Variants in PDE4DIP observed in about 807,000 individuals in gnomAD.
The protein encoded by PDE4DIP is myomegalin.
A neutral mutation model predicts 221.4 loss-of-function variants in PDE4DIP; 59 were observed. The observed-to-expected ratio is 0.27, with a 90% CI of 0.22 to 0.33. PDE4DIP has a LOEUF of 0.33. PDE4DIP is among the 10% of genes least tolerant of loss of function. PDE4DIP has a pLI of 1.00. For synonymous variants in PDE4DIP, 404 were observed against 815.9 expected (o/e 0.50, Z 8.60); for missense variants, 1,036 against 2,154.2 (o/e 0.48, Z 10.28).
At chr1:148,963,032 A>G (rs1553514083) in intron 9 of PDE4DIP, among the ~76,000 whole-genome samples, 1 of 152,080 alleles carries the variant, frequency 6.6e-6, no homozygotes, top group Non-Finnish European at 1.5e-5. Context: ...AGCTGGGACT[A>G]CAGGCGCCCG....
chr1:148,999,924 A>T (rs1471963899), intron 23 of PDE4DIP, among the ~76,000 whole-genome samples: 5 of 148,970 alleles, frequency 3.4e-5, no homozygotes, highest in Non-Finnish European at 7.4e-5. Context: ...GTTTGTATTT[A>T]AAAATATCAG....
exon 19 of PDE4DIP, chr1:148,978,387 A>G (rs1553539585): frequency 5.6e-6 from 9 of 1,608,926 alleles, no homozygotes; most frequent in Non-Finnish European, 7.6e-6. Flanking sequence ...TCCCAGGGTC[A>G]AGAAATTTCA....
chr1:148,994,890 A>C (rs1220325927), intron 22 of PDE4DIP, among the ~76,000 whole-genome samples: 4 of 150,084 alleles, frequency 2.7e-5, no homozygotes, highest in African/African-American at 9.8e-5. Context: ...AGGTGAGCCT[A>C]TGTGGTATGT....
At chr1:149,016,316 C>T (rs1553610650) in exon 33 of PDE4DIP, 9 of 1,613,628 alleles carry the variant, frequency 5.6e-6, no homozygotes, top group East Asian at 2.2e-5. Context: ...CACTGTTCCT[C>T]CTGCTTCCAC....
chr1:148,820,861 AT>A, intron 1 of PDE4DIP, among the ~76,000 whole-genome samples: 1 of 135,464 alleles, frequency 7.4e-6, no homozygotes, highest in Non-Finnish European at 1.6e-5. Flanking sequence ...TTATTTATTT[AT>A]TTATTTTTGA....
chr1:148,842,464 G>A (rs7544300), intron 1 of PDE4DIP, among the ~76,000 whole-genome samples: 4 of 32,828 alleles, frequency 1.2e-4, no homozygotes, highest in Admixed American at 4.0e-4. Flanking sequence ...TTGTGCTGTA[G>A]CAGTGGTTAT....
intron 5 of PDE4DIP, among the ~76,000 whole-genome samples, chr1:148,954,300 C>T (rs1553499358): frequency 6.6e-6 from 1 of 151,634 alleles, no homozygotes; most frequent in Non-Finnish European, 1.5e-5. Context: ...TAGACGTTTC[C>T]TCCCAATGGT....
upstream of PDE4DIP, among the ~76,000 whole-genome samples, chr1:148,884,444 TTA>T (rs1342854895): frequency 1.0e-5 from 1 of 98,310 alleles, no homozygotes; most frequent in African/African-American, 3.7e-5. Context: ...TTCCTAATTT[TTA>T]TAGTTTTTAC....
intron 18 of PDE4DIP, 111 bp downstream of exon 21, chr1:148,978,164 A>G: frequency 1.5e-6 from 2 of 1,302,830 alleles, no homozygotes; most frequent in Non-Finnish European, 2.2e-6. Flanking sequence ...GTGATTATCC[A>G]TATCCCACTT....
rs587697602 is a variant in PDE4DIP at position 149,020,923 on chromosome 1, T to G, written c.5961-106T>G. 2.7e-3 allele frequency: 1,730 copies of G among 638,898 alleles called. 8 individuals are homozygous for G. The highest frequency in any genetic ancestry group is 3.7e-3 in the Non-Finnish European group (1,367 of 366,160). 39.6% of individuals were successfully genotyped at this position (638,898 alleles called of 1,614,324 possible). A position where few individuals can be genotyped will look rare whatever the true frequency, so the allele number is the denominator to read the frequency against. On this transcript the variant is annotated intron_variant, in intron 36 of 43. Transcript: ENST00000369354. ...TCTGGGGCTCAGATGTAACCCTAAC[T>G]GTAACCCTTTATGACCCTCTGAGTT...
intron 17 of PDE4DIP, among the ~76,000 whole-genome samples, chr1:148,976,227 G>A (rs2060145758): frequency 6.6e-6 from 1 of 152,166 alleles, no homozygotes; most frequent in Non-Finnish European, 1.5e-5. Context: ...GTGATATTTA[G>A]CTATTGCTAA....
chr1:148,844,036 T>A (rs1254477603), intron 1 of PDE4DIP, among the ~76,000 whole-genome samples: 2 of 35,050 alleles, frequency 5.7e-5, no homozygotes, highest in African/African-American at 7.9e-5. Context: ...AACATCGTGT[T>A]CCATGACCAC....
chr1:148,920,152 TGAGATGGA>T, intron 1 of PDE4DIP, among the ~76,000 whole-genome samples: 6 of 150,306 alleles, frequency 4.0e-5, no homozygotes, highest in African/African-American at 1.5e-4. Context: ...TTTATTTATT[TGAGATGGA>T]ATCTCACTCT....
chr1:148,957,504 AAT>A (rs1220356823), intron 5 of PDE4DIP, among the ~76,000 whole-genome samples: 2 of 151,098 alleles, frequency 1.3e-5, no homozygotes, highest in African/African-American at 4.9e-5. Context: ...TTGCTGTTCG[AAT>A]ATATGTTATA....
chr1:148,927,400 C>A (rs1325595055), intron 1 of PDE4DIP, among the ~76,000 whole-genome samples: 1 of 151,988 alleles, frequency 6.6e-6, no homozygotes, highest in African/African-American at 2.4e-5. Flanking sequence ...TGCCTTCCAG[C>A]TCTAAAATTC....
At chr1:148,998,824 T>G (rs1409143263) in intron 23 of PDE4DIP, among the ~76,000 whole-genome samples, 2 of 151,102 alleles carry the variant, frequency 1.3e-5, no homozygotes, top group South Asian at 4.2e-4. Context: ...GACTGCAAGC[T>G]CCACCTCTCG....
intron 21 of PDE4DIP, among the ~76,000 whole-genome samples, chr1:148,986,773 A>T (rs1351809972): frequency 1.3e-5 from 2 of 152,216 alleles, no homozygotes; most frequent in East Asian, 3.8e-4. Flanking sequence ...AGCACGACAG[A>T]GGTTTCAGGA....
At chr1:148,859,470 G>C (rs1180156706) in intron 1 of PDE4DIP, among the ~76,000 whole-genome samples, 1 of 151,782 alleles carries the variant, frequency 6.6e-6, no homozygotes, top group Non-Finnish European at 1.5e-5. Flanking sequence ...TAATATATGT[G>C]GTTTTAGTGG....
chr1:148,963,913 C>T (rs75037449), intron 9 of PDE4DIP, among the ~76,000 whole-genome samples: 105,757 of 147,794 alleles, frequency 0.72, 38,309 homozygotes, highest in East Asian at 0.98. Flanking sequence ...GCCGCCACCA[C>T]GCCCGGCTAA....
Sources: gnomAD v4.1 joint callset for allele counts (sites outside exome capture counted in the v4.1 genomes callset) on GRCh38, gnomAD v4.1.1 for gene constraint, MANE v1.5 for transcripts, NCBI Gene and HGNC (gene_info 2026-07-23, HGNC 2026-07-21) for gene names.